Variants in TCF12 observed in about 807,000 individuals in gnomAD.
TCF12 encodes DNA-binding protein HTF4.
TCF12 carries 45 observed loss-of-function variants against 86.0 expected under a neutral mutation model. The observed-to-expected ratio is 0.52, with a 90% confidence interval of 0.41 to 0.67. The LOEUF is 0.67. Among genes scored for constraint, TCF12 ranks in the 30% least tolerant of loss-of-function variants. TCF12 has a pLI of 0.00. For missense variants in TCF12, 881 were observed against 859.9 expected (o/e 1.02, Z -0.31); for synonymous variants, 330 against 299.6 (o/e 1.10, Z -1.05).
chr15:57,108,625 C>A (rs756393974), intron 5 of TCF12, among the ~76,000 whole-genome samples: 1 of 150,930 alleles, frequency 6.6e-6, no homozygotes, highest in Non-Finnish European at 1.5e-5. Context: ...GCAAACAATT[C>A]CTTAGAGAGA....
chr15:57,247,146 C>G (rs577522442), intron 13 of TCF12: 2 of 558,148 alleles, frequency 3.6e-6, no homozygotes, highest in East Asian at 7.4e-5. Context: ...TTCACTCCAC[C>G]GTCACTCCAC....
intron 8 of TCF12, among the ~76,000 whole-genome samples, chr15:57,208,380 C>CTTTTTTTTCTTTTTT (rs2057943926): frequency 1.5e-5 from 1 of 65,616 alleles, no homozygotes; most frequent in Non-Finnish European, 2.6e-5. Context: ...CAAAAATATC[C>CTTTTTTTTCTTTTTT]TTTTTTTTTT....
At chr15:57,207,698 A>G (rs953145723) in intron 8 of TCF12, among the ~76,000 whole-genome samples, 7 of 152,150 alleles carry the variant, frequency 4.6e-5, no homozygotes, top group African/African-American at 1.7e-4. Flanking sequence ...AACAAAAATA[A>G]TAAGTAAGAA....
intron 6 of TCF12, among the ~76,000 whole-genome samples, chr15:57,168,088 G>A (rs1171728702): frequency 6.6e-6 from 1 of 152,114 alleles, no homozygotes; most frequent in Non-Finnish European, 1.5e-5. Flanking sequence ...AAAGCAGAAG[G>A]ATCACTTCAG....
At chr15:57,267,022 G>C (rs549843798) in intron 18 of TCF12, among the ~76,000 whole-genome samples, 16 of 152,272 alleles carry the variant, frequency 1.1e-4, no homozygotes, top group African/African-American at 3.6e-4. Flanking sequence ...GAGAGATGCT[G>C]TCTCTAAAAA....
intron 6 of TCF12, among the ~76,000 whole-genome samples, chr15:57,172,038 T>C (rs984835715): frequency 1.3e-5 from 2 of 152,202 alleles, no homozygotes; most frequent in African/African-American, 4.8e-5. Context: ...AAATGACAGC[T>C]TTAAAAACTG....
chr15:57,090,892 G>A (rs149106523), intron 4 of TCF12, among the ~76,000 whole-genome samples: 7 of 152,232 alleles, frequency 4.6e-5, no homozygotes, highest in African/African-American at 1.7e-4. Flanking sequence ...AGGTAATGCT[G>A]TACTTAAAGA....
At chr15:57,229,434 AG>A (rs1431929948) in intron 8 of TCF12, among the ~76,000 whole-genome samples, 6 of 151,804 alleles carry the variant, frequency 4.0e-5, no homozygotes, top group African/African-American at 1.5e-4. Context: ...AAGACTTCTC[AG>A]GTACCACAGA....
intron 3 of TCF12, among the ~76,000 whole-genome samples, chr15:57,003,458 A>T (rs933667029): frequency 6.6e-6 from 1 of 152,222 alleles, no homozygotes; most frequent in Non-Finnish European, 1.5e-5. Flanking sequence ...TCCATGATGC[A>T]CATTGTAGGT....
At chr15:57,130,525 A>G (rs148432253) in intron 5 of TCF12, among the ~76,000 whole-genome samples, 4 of 152,208 alleles carry the variant, frequency 2.6e-5, no homozygotes, top group Non-Finnish European at 4.4e-5. Flanking sequence ...AGAGTGCATT[A>G]TCAGGGGACC....
intron 5 of TCF12, among the ~76,000 whole-genome samples, chr15:57,118,720 G>T (rs1771013163): frequency 6.6e-6 from 1 of 152,114 alleles, no homozygotes; most frequent in South Asian, 2.1e-4. Context: ...TATGTCTAAT[G>T]TGATTTTCTT....
At chr15:56,921,131 T>C in intron 3 of TCF12, 33 bp downstream of exon 3, 1 of 1,540,960 alleles carries the variant, frequency 6.5e-7, no homozygotes. Flanking sequence ...AGACTCATAT[T>C]TTGGTGGTGT....
intron 19 of TCF12, among the ~76,000 whole-genome samples, chr15:57,281,449 G>C (rs1359259984): frequency 6.6e-6 from 1 of 152,204 alleles, no homozygotes; most frequent in Non-Finnish European, 1.5e-5. Context: ...CTATAGAAGA[G>C]GGGTCCCCAA....
chr15:57,045,069 G>A (rs190446327), intron 3 of TCF12, among the ~76,000 whole-genome samples: 1 of 152,308 alleles, frequency 6.6e-6, no homozygotes. Flanking sequence ...AACATTTTCT[G>A]TCACGTGTTA....
At chr15:57,249,384 A>C (rs1227605833) in intron 13 of TCF12, among the ~76,000 whole-genome samples, 3 of 149,078 alleles carry the variant, frequency 2.0e-5, no homozygotes, top group African/African-American at 7.4e-5. Flanking sequence ...AATGGTCCTT[A>C]AAATAATTTG....
At chr15:56,921,680 G>C (rs979152840) in intron 3 of TCF12, among the ~76,000 whole-genome samples, 4 of 151,784 alleles carry the variant, frequency 2.6e-5, no homozygotes, top group Non-Finnish European at 5.9e-5. Flanking sequence ...AATAACTAAA[G>C]CCATGACAGC....
intron 3 of TCF12, among the ~76,000 whole-genome samples, chr15:57,017,293 C>T (rs1362732922): frequency 6.6e-6 from 1 of 152,198 alleles, no homozygotes; most frequent in Admixed American, 6.5e-5. Context: ...CTAGCAATGC[C>T]ATTTAAATGT....
At chr15:57,236,251 TC>T (rs1270756271) in intron 12 of TCF12, among the ~76,000 whole-genome samples, 7 of 152,222 alleles carry the variant, frequency 4.6e-5, no homozygotes, top group African/African-American at 1.7e-4. Context: ...ACATTCTTTT[TC>T]CAACTTTCCT....
At chr15:57,156,536 G>C (rs562627526) in intron 5 of TCF12, among the ~76,000 whole-genome samples, 1 of 152,280 alleles carries the variant, frequency 6.6e-6, no homozygotes, top group South Asian at 2.1e-4. Context: ...TCCAGTTCTT[G>C]CTGTCAGGGG....
Sources: allele counts gnomAD v4.1 joint callset (sites outside exome capture counted in the v4.1 genomes callset), GRCh38; gene constraint gnomAD v4.1.1; transcripts MANE v1.5; gene names NCBI Gene and HGNC (gene_info 2026-07-23, HGNC 2026-07-21).